The following ACVR1 variants were observed in gnomAD, a reference collection of about 807,000 sequenced individuals.
ACVR1 encodes the protein activin A receptor type 1, also known as activin receptor type-1.
A neutral mutation model predicts 57.1 loss-of-function variants in ACVR1; 38 were observed. The observed-to-expected ratio is 0.67, with a 90% CI of 0.51 to 0.87. The LOEUF is 0.87. ACVR1 is among the 40% of genes least tolerant of loss of function. The pLI is 0.00. For synonymous variants in ACVR1, 212 were observed against 228.1 expected (o/e 0.93, Z 0.63); for missense variants, 463 against 638.2 (o/e 0.73, Z 2.96).
At chr2:157,849,657 A>T (rs1308714927) in intron 1 of ACVR1, among the ~76,000 whole-genome samples, 2 of 152,264 alleles carry the variant, frequency 1.3e-5, no homozygotes, top group Non-Finnish European at 2.9e-5. Context: ...GGCTTTTATT[A>T]AAAATATTCT....
chr2:157,795,629 G>A (rs1302197110), intron 3 of ACVR1, among the ~76,000 whole-genome samples: 1 of 151,612 alleles, frequency 6.6e-6, no homozygotes, highest in Non-Finnish European at 1.5e-5. Context: ...AAACCTTAAG[G>A]GTCGATCTAT....
rs764340456 is a variant in ACVR1 at position 157,778,257 on chromosome 2, G to A, written c.417C>T (p.Ala139=). Residue 139 remains alanine (A), a synonymous_variant, in exon 5 of 11, where the codon GCC becomes GCT. Transcript: ENST00000434821. ...TTCGGAGAGCAACTCCCAGCAGGCA[G>A]GCTAAAAGACATACTGCGAACACTA... ...LSVVFAVCLL[A]CLLGVALRKF... 6 of 1,613,976 alleles carry A rather than the reference G, an allele frequency of 3.7e-6. No individual in the cohort carries two copies. The African/African-American group carries it at 5.3e-5, about 14-fold the overall frequency.
intron 3 of ACVR1, among the ~76,000 whole-genome samples, chr2:157,789,609 A>G (rs546559438): frequency 6.6e-6 from 1 of 152,340 alleles, no homozygotes; most frequent in East Asian, 1.9e-4. Context: ...AAGTCTGTCC[A>G]ACAATGGCAA....
At chr2:157,798,293 G>T (rs1268368065) in intron 3 of ACVR1, among the ~76,000 whole-genome samples, 4 of 151,814 alleles carry the variant, frequency 2.6e-5, no homozygotes, top group East Asian at 1.9e-4. Flanking sequence ...AACGGTTCTG[G>T]TTTTTTTTAA....
At chr2:157,817,441 T>C (rs751483431) in intron 2 of ACVR1, among the ~76,000 whole-genome samples, 7 of 152,130 alleles carry the variant, frequency 4.6e-5, no homozygotes, top group Non-Finnish European at 8.8e-5. Context: ...CTCTCTATAA[T>C]ATTATAATGG....
At chr2:157,855,308 G>GTGTGTATATATATATA (rs1307480066) in intron 1 of ACVR1, among the ~76,000 whole-genome samples, 11 of 51,660 alleles carry the variant, frequency 2.1e-4, no homozygotes, top group African/African-American at 6.0e-4. Flanking sequence ...GTGTGTGTGT[G>GTGTGTATATATATATA]TATATATATA....
chr2:157,764,194 T>A (rs10933440), intron 8 of ACVR1, among the ~76,000 whole-genome samples: 56,115 of 149,170 alleles, frequency 0.38, 12,786 homozygotes, highest in African/African-American at 0.65. Context: ...ATATATATAT[T>A]TTTTTTTAGA....
intron 1 of ACVR1, among the ~76,000 whole-genome samples, chr2:157,869,722 CTCATAATATATTTGT>C (rs1263789152): frequency 1.3e-5 from 2 of 152,112 alleles, no homozygotes; most frequent in African/African-American, 4.8e-5. Flanking sequence ...CTAGGCCATC[CTCATAATATATTTGT>C]TCTTGCCACC....
intron 2 of ACVR1, among the ~76,000 whole-genome samples, chr2:157,799,918 C>T (rs1359376048): frequency 6.6e-6 from 1 of 152,110 alleles, no homozygotes; most frequent in Admixed American, 6.6e-5. Context: ...AAGGATTAAA[C>T]GACTGAATAA....
In ACVR1 at chr2:157,737,319, C is replaced by T. The variant is rs952077165; in HGVS notation, c.*212G>A. Reference sequence around the variant, plus strand: ...ATTAGTCTCTGCAGTGTGAACAGTTCGTGAAATGCCCAGTTCACAGTCATC... The same window carrying T: ...ATTAGTCTCTGCAGTGTGAACAGTTTGTGAAATGCCCAGTTCACAGTCATC... On this transcript the variant is annotated 3_prime_UTR_variant, in exon 11 of 11. Transcript: ENST00000434821. 6.3e-6 allele frequency: 4 copies of T among 636,900 alleles called. No homozygotes were observed. The highest frequency in any genetic ancestry group is 4.6e-5 in the Admixed American group (2 of 43,492). 39.5% of individuals were successfully genotyped at this position (636,900 alleles called of 1,614,324 possible).
chr2:157,861,527 T>A (rs1689718067), intron 1 of ACVR1, among the ~76,000 whole-genome samples: 1 of 152,130 alleles, frequency 6.6e-6, no homozygotes, highest in Non-Finnish European at 1.5e-5. Context: ...AAAATAAAAT[T>A]CCCAGGTTTC....
chr2:157,781,929 A>T (rs2033962), intron 3 of ACVR1, among the ~76,000 whole-genome samples: 2 of 151,988 alleles, frequency 1.3e-5, no homozygotes, highest in Admixed American at 1.3e-4. Flanking sequence ...TTCAGCTTTC[A>T]GAGCTCCCTC....
At chr2:157,766,906 AAATTATAGT>A (rs1227035699) in intron 7 of ACVR1, among the ~76,000 whole-genome samples, 1 of 152,238 alleles carries the variant, frequency 6.6e-6, no homozygotes, top group Non-Finnish European at 1.5e-5. Context: ...CCAGAGCAGG[AAATTATAGT>A]AATTCAGACT....
intron 1 of ACVR1, among the ~76,000 whole-genome samples, chr2:157,855,943 T>C (rs1689516492): frequency 6.6e-6 from 1 of 152,050 alleles, no homozygotes; most frequent in Admixed American, 6.6e-5. Flanking sequence ...GACTAAAAAG[T>C]TCCTCGCATC....
chr2:157,835,463 A>G (rs1688750912), intron 1 of ACVR1, among the ~76,000 whole-genome samples: 1 of 152,234 alleles, frequency 6.6e-6, no homozygotes, highest in African/African-American at 2.4e-5. Flanking sequence ...TCTTATAACC[A>G]TAATGCTGAC....
intron 1 of ACVR1, among the ~76,000 whole-genome samples, chr2:157,851,980 A>G (rs1308806479): frequency 6.8e-6 from 1 of 148,096 alleles, no homozygotes; most frequent in African/African-American, 2.5e-5. Flanking sequence ...CATGGGAGCA[A>G]TGTAAGATTA....
chr2:157,750,619 A>G (rs1685145314), intron 9 of ACVR1, among the ~76,000 whole-genome samples: 2 of 152,192 alleles, frequency 1.3e-5, no homozygotes, highest in African/African-American at 4.8e-5. Flanking sequence ...AAACCAAACC[A>G]TAAAATTGGG....
intron 9 of ACVR1, among the ~76,000 whole-genome samples, chr2:157,753,652 A>G (rs1680048839): frequency 6.6e-6 from 1 of 152,222 alleles, no homozygotes; most frequent in African/African-American, 2.4e-5. Context: ...AGAGAGCAAC[A>G]CAATAATAAT....
chr2:157,835,774 G>C (rs1487443880), intron 1 of ACVR1, among the ~76,000 whole-genome samples: 4 of 152,132 alleles, frequency 2.6e-5, no homozygotes, highest in African/African-American at 9.7e-5. Context: ...TAACCAGTAG[G>C]GTTTACTGAC....
Sources: gnomAD v4.1 joint callset for allele counts (sites outside exome capture counted in the v4.1 genomes callset) on GRCh38, gnomAD v4.1.1 for gene constraint, MANE v1.5 for transcripts, NCBI Gene and HGNC (gene_info 2026-07-23, HGNC 2026-07-21) for gene names.